ADAMTS19: variants seen among roughly 807,000 people sequenced by gnomAD.
ADAMTS19 encodes A disintegrin and metalloproteinase with thrombospondin motifs 19.
Under a neutral mutation model 153.3 loss-of-function variants are expected in ADAMTS19, and 93 were observed. That is an observed-to-expected ratio of 0.61 (90% CI 0.51 to 0.72). ADAMTS19 has a LOEUF of 0.72. Ranked by LOEUF, ADAMTS19 falls within the 30% of genes least tolerant of loss-of-function variation. The pLI is 0.00. For missense variants in ADAMTS19, 1,482 were observed against 1,552.1 expected (o/e 0.95, Z 0.76); for synonymous variants, 600 against 556.6 (o/e 1.08, Z -1.10).
chr5:129,582,686 C>T (rs1478346626), intron 7 of ADAMTS19, among the ~76,000 whole-genome samples: 1 of 152,028 alleles, frequency 6.6e-6, no homozygotes. Context: ...CATTCTCCTG[C>T]CTCAGCCTCT....
At chr5:129,486,816 G>T (rs990838750) in intron 2 of ADAMTS19, among the ~76,000 whole-genome samples, 2 of 152,074 alleles carry the variant, frequency 1.3e-5, no homozygotes, top group African/African-American at 4.8e-5. Context: ...AAGAAAAGAA[G>T]TAAAATTGTG....
chr5:129,549,663 A>G (rs1178446289), intron 6 of ADAMTS19, among the ~76,000 whole-genome samples: 1 of 151,318 alleles, frequency 6.6e-6, no homozygotes, highest in Non-Finnish European at 1.5e-5. Context: ...AGTATTGATT[A>G]TTCTACTTAA....
intron 7 of ADAMTS19, among the ~76,000 whole-genome samples, chr5:129,582,063 A>G (rs1441671521): frequency 6.6e-6 from 1 of 151,740 alleles, no homozygotes; most frequent in Non-Finnish European, 1.5e-5. Flanking sequence ...TGCTGAGAAG[A>G]ATTTATATTC....
At chr5:129,460,640 C>G (rs1749615590) in intron 1 of ADAMTS19, 158 bp downstream of exon 1, 4 of 743,068 alleles carry the variant, frequency 5.4e-6, no homozygotes, top group East Asian at 5.3e-5. Context: ...GGGTCAAGTT[C>G]GGAAATGAAG....
chr5:129,730,227 A>T (rs4360075), intron 21 of ADAMTS19, among the ~76,000 whole-genome samples: 2,390 of 152,228 alleles, frequency 0.016, 61 homozygotes, highest in African/African-American at 0.053. Flanking sequence ...GCTGGAAATT[A>T]TAATAAAGCT....
At position 129,677,822 on chromosome 5, in the gene ADAMTS19, C is replaced by G. The variant is rs145365295; in HGVS notation, c.2507-1942C>G. ...ATACTTTAAAGCTTTACTTTCCCCCCCACCCCGCCAGACCACATCTGGTTC... is the reference window on the plus strand; with the variant it reads ...ATACTTTAAAGCTTTACTTTCCCCCGCACCCCGCCAGACCACATCTGGTTC... On this transcript the variant is annotated intron_variant, in intron 16 of 22. Transcript: ENST00000274487. Among the ~76,000 whole-genome samples, 310 of 152,096 alleles carry G rather than the reference C, an allele frequency of 2.0e-3. 1 individual carries two copies. Among genetic ancestry groups the G allele is most frequent in the African/African-American group, 7.2e-3 (299 of 41,490 alleles).
rs66501856 is a variant in ADAMTS19, at chr5:129,597,900, C to CAA, written c.1478+1248_1478+1249dup. Among the ~76,000 whole-genome samples the CAA allele has an allele frequency of 3.6e-3, 494 of 135,348 alleles. 2 individuals carry two copies. Among genetic ancestry groups the CAA allele is most frequent in the Admixed American group, 9.0e-3 (118 of 13,132 alleles). The allele number at this position is 135,348 out of a possible 152,430, so 88.8% of individuals were successfully genotyped here. On this transcript the variant is annotated intron_variant, in intron 8 of 22. Transcript: ENST00000274487. ...CTGGTGACAGAGTGAGTCTCTATCT[C>CAA]AAAAAAAAAAAAAGAAAAAAAGAAA... is the stretch of plus-strand genomic sequence containing the variant.
At chr5:129,539,814 C>T (rs1752595767) in intron 6 of ADAMTS19, among the ~76,000 whole-genome samples, 1 of 152,016 alleles carries the variant, frequency 6.6e-6, no homozygotes, top group Admixed American at 6.6e-5. Flanking sequence ...CTGACGAATA[C>T]TGGCAAACTG....
intron 7 of ADAMTS19, among the ~76,000 whole-genome samples, chr5:129,575,529 G>A (rs189489064): frequency 6.6e-6 from 1 of 152,182 alleles, no homozygotes. Flanking sequence ...CAAGGCAGAT[G>A]AAATCATTAA....
chr5:129,597,195 A>G (rs1750420768), intron 8 of ADAMTS19, among the ~76,000 whole-genome samples: 1 of 152,224 alleles, frequency 6.6e-6, no homozygotes, highest in South Asian at 2.1e-4. Context: ...AGTTCATTTA[A>G]TACAAAACCC....
intron 19 of ADAMTS19, among the ~76,000 whole-genome samples, chr5:129,696,002 G>A (rs1755535143): frequency 6.6e-6 from 1 of 152,120 alleles, no homozygotes; most frequent in Non-Finnish European, 1.5e-5. Flanking sequence ...GTATGGGGGA[G>A]GGAAGAGGGA....
At chr5:129,555,773 A>G (rs1753290868) in intron 7 of ADAMTS19, among the ~76,000 whole-genome samples, 1 of 152,168 alleles carries the variant, frequency 6.6e-6, no homozygotes, top group Admixed American at 6.5e-5. Flanking sequence ...CTGTACTGTC[A>G]CCTTTCTTTT....
At chr5:129,625,456 G>A (rs1000806842) in intron 10 of ADAMTS19, among the ~76,000 whole-genome samples, 1 of 152,218 alleles carries the variant, frequency 6.6e-6, no homozygotes, top group Non-Finnish European at 1.5e-5. Context: ...CCCACCAACA[G>A]TGTAAAAGCA....
At chr5:129,594,663 G>T (rs2126915932) in intron 7 of ADAMTS19, among the ~76,000 whole-genome samples, 1 of 151,606 alleles carries the variant, frequency 6.6e-6, no homozygotes, top group Non-Finnish European at 1.5e-5. Context: ...ACTCTTTGTT[G>T]TATTCATGTG....
chr5:129,526,318 A>C lies in ADAMTS19; in HGVS notation c.948A>C (p.Glu316Asp). 1 of 1,594,096 alleles carries C rather than the reference A, an allele frequency of 6.3e-7. No homozygotes were observed. The highest frequency in any genetic ancestry group is 1.1e-5 in the South Asian group (1 of 87,150). ...KGRPRSRKIA[E>D]SGRGKRYSYK... The stretch of plus-strand genomic sequence containing the variant: ...GACCTAGGTCTAGAAAAATAGCAGA[A>C]AGTGGAAGAGGGAAACGATATTCAT... The change falls in exon 4 of 23, where the codon GAA becomes GAC. Residue 316 changes from glutamate (E) to aspartate (D), a missense_variant. By Grantham distance (45) the Glu-to-Asp change is conservative. Coordinates refer to ENST00000274487, the MANE Select transcript of ADAMTS19 (RefSeq NM_133638.6).
intron 10 of ADAMTS19, among the ~76,000 whole-genome samples, chr5:129,640,084 A>G (rs952835151): frequency 6.6e-6 from 1 of 152,184 alleles, no homozygotes; most frequent in Non-Finnish European, 1.5e-5. Flanking sequence ...AAGCTAAACC[A>G]TATCCTAAAT....
At chr5:129,532,337 AAT>A (rs1200123952) in intron 6 of ADAMTS19, among the ~76,000 whole-genome samples, 1 of 152,204 alleles carries the variant, frequency 6.6e-6, no homozygotes, top group Non-Finnish European at 1.5e-5. Context: ...AAGAAGAAGA[AAT>A]ATGAATCTCC....
chr5:129,578,005 G>T (rs1377170831), intron 7 of ADAMTS19, among the ~76,000 whole-genome samples: 6 of 123,272 alleles, frequency 4.9e-5, no homozygotes, highest in South Asian at 5.2e-4. Flanking sequence ...TTTTTCTTTA[G>T]CTCCCTGAAG....
chr5:129,571,479 A>C (rs1024697858), intron 7 of ADAMTS19, among the ~76,000 whole-genome samples: 4 of 151,700 alleles, frequency 2.6e-5, no homozygotes, highest in African/African-American at 4.8e-5. Flanking sequence ...CCAAACAGGT[A>C]CAAAATCTGT....
Sources: allele counts gnomAD v4.1 joint callset (sites outside exome capture counted in the v4.1 genomes callset), GRCh38; gene constraint gnomAD v4.1.1; transcripts MANE v1.5; gene names NCBI Gene and HGNC (gene_info 2026-07-23, HGNC 2026-07-21).